CNTN4: variants seen among roughly 807,000 people sequenced by gnomAD.
CNTN4 encodes contactin 4, also known as contactin-4.
Under a neutral mutation model 122.5 loss-of-function variants are expected in CNTN4, and 77 were observed. The ratio of observed to expected loss-of-function variants is 0.63; its 90% confidence interval spans 0.52 to 0.76. CNTN4 has a LOEUF of 0.76. Among genes scored for constraint, CNTN4 ranks in the 30% least tolerant of loss-of-function variants. The probability of loss-of-function intolerance (pLI) is 0.00; values close to 1 mark genes in which losing one functional copy is unlikely to be tolerated. For missense variants in CNTN4, 1,256 were observed against 1,259.1 expected (o/e 1.00, Z 0.04); for synonymous variants, 512 against 447.0 (o/e 1.15, Z -1.83).
chr3:2,226,989 A>T (rs568784379), intron 2 of CNTN4, among the ~76,000 whole-genome samples: 1 of 152,168 alleles, frequency 6.6e-6, no homozygotes, highest in Non-Finnish European at 1.5e-5. Context: ...CTGATGTCAC[A>T]CAGATATGTA....
intron 8 of CNTN4, among the ~76,000 whole-genome samples, chr3:2,878,403 C>T (rs2093869487): frequency 6.6e-6 from 1 of 152,158 alleles, no homozygotes; most frequent in South Asian, 2.1e-4. Flanking sequence ...CACTGCATTC[C>T]TACATCTTTT....
At chr3:2,992,544 G>A (rs1180458652) in intron 14 of CNTN4, among the ~76,000 whole-genome samples, 2 of 152,116 alleles carry the variant, frequency 1.3e-5, no homozygotes, top group Non-Finnish European at 2.9e-5. Context: ...GGTGGTGGGT[G>A]GGGATTTTGC....
intron 2 of CNTN4, among the ~76,000 whole-genome samples, chr3:2,102,916 CCTTG>C (rs1345660814): frequency 1.3e-5 from 2 of 150,924 alleles, no homozygotes; most frequent in Middle Eastern, 3.2e-3. Context: ...TTCTCCTAAC[CCTTG>C]CTTTTTTTTT....
chr3:2,522,146 AGTTTGTGTGTGTGTGTGTGTGTGTGT>A (rs1426513962), intron 3 of CNTN4, among the ~76,000 whole-genome samples: 17 of 134,448 alleles, frequency 1.3e-4, no homozygotes, highest in Non-Finnish European at 2.2e-4. Context: ...CTGCCTAAGC[AGTTTGTGTGTGTGTGTGTGTGTGTGT>A]GTGTGTGTGT....
chr3:2,738,581 T>A (rs112486903), intron 5 of CNTN4, among the ~76,000 whole-genome samples: 1 of 152,082 alleles, frequency 6.6e-6, no homozygotes, highest in Non-Finnish European at 1.5e-5. Context: ...CACAAAAAAA[T>A]TTATTGCACA....
intron 3 of CNTN4, among the ~76,000 whole-genome samples, chr3:2,387,681 C>T (rs1575524866): frequency 6.6e-6 from 1 of 152,120 alleles, no homozygotes; most frequent in African/African-American, 2.4e-5. Context: ...TTTCTAAGCT[C>T]TTTTCCAAAA....
chr3:2,505,788 AG>A (rs2076715452), intron 3 of CNTN4, among the ~76,000 whole-genome samples: 1 of 152,222 alleles, frequency 6.6e-6, no homozygotes, highest in South Asian at 2.1e-4. Flanking sequence ...TTCCCTGAAA[AG>A]AGCTTTTAAA....
intron 7 of CNTN4, among the ~76,000 whole-genome samples, chr3:2,835,263 A>T (rs1171688949): frequency 1.3e-5 from 2 of 152,132 alleles, no homozygotes; most frequent in Admixed American, 1.3e-4. Flanking sequence ...TTCCATTTAC[A>T]TTATTTTAAA....
At chr3:2,141,992 C>T (rs1159906221) in intron 2 of CNTN4, among the ~76,000 whole-genome samples, 1 of 152,170 alleles carries the variant, frequency 6.6e-6, no homozygotes, top group Non-Finnish European at 1.5e-5. Flanking sequence ...CATTAGACCT[C>T]ACTACCATCA....
chr3:2,906,937 A>T (rs912819257), intron 12 of CNTN4, among the ~76,000 whole-genome samples: 3 of 152,140 alleles, frequency 2.0e-5, no homozygotes, highest in Admixed American at 2.0e-4. Context: ...CAAGCTTGCA[A>T]GTTCCCTATT....
chr3:2,476,312 G>A lies in CNTN4; in HGVS notation c.-88-95104G>A, dbSNP rs77881080. Among the ~76,000 whole-genome samples, 25 of 152,234 alleles carry A rather than the reference G, an allele frequency of 1.6e-4. No homozygotes were observed. The East Asian group carries it at 1.9e-3, about 12-fold the overall frequency. ...AGCCAATGTCAGTTAAGATTTTGGC[G>A]TTTCCACTGCAGGATCTTGAGTACA... On this transcript the variant is annotated intron_variant, in intron 3 of 24. Transcript: ENST00000418658.
intron 14 of CNTN4, among the ~76,000 whole-genome samples, chr3:2,996,161 A>G (rs1375978746): frequency 6.6e-6 from 1 of 152,158 alleles, no homozygotes; most frequent in Non-Finnish European, 1.5e-5. Flanking sequence ...TATTGGTAAT[A>G]TCTGTTTGGG....
At chr3:2,268,095 G>T (rs530018109) in intron 2 of CNTN4, among the ~76,000 whole-genome samples, 8 of 152,188 alleles carry the variant, frequency 5.3e-5, no homozygotes, top group African/African-American at 1.9e-4. Flanking sequence ...CATATGTTAA[G>T]CATTTACTAT....
intron 2 of CNTN4, among the ~76,000 whole-genome samples, chr3:2,152,562 G>A (rs77680818): frequency 1.3e-5 from 2 of 152,286 alleles, no homozygotes; most frequent in East Asian, 3.9e-4. Flanking sequence ...GAAGGCTTCA[G>A]AAGTGAAGTA....
rs1445527725 is a variant in CNTN4, at chr3:2,709,281, G to C, written c.56-26934G>C. Among the ~76,000 whole-genome samples, 1 of 152,122 alleles carries C rather than the reference G, an allele frequency of 6.6e-6. No homozygotes were observed. Among genetic ancestry groups the C allele is most frequent in the Non-Finnish European group, 1.5e-5 (1 of 68,020 alleles). On this transcript the variant is annotated intron_variant, in intron 4 of 24. Coordinates refer to ENST00000418658, the MANE Select transcript of CNTN4 (RefSeq NM_175607.3). This position sits in a 1 kb window ranked among gnomAD's most constrained non-coding sequence, Gnocchi z 5.0. ...TGTTTTTAAATCTTGAAAGAGACCT[G>C]AATTTATAATTAGTACAGTGTGATT...
intron 3 of CNTN4, among the ~76,000 whole-genome samples, chr3:2,434,140 G>A (rs932451697): frequency 6.6e-6 from 1 of 152,108 alleles, no homozygotes; most frequent in Non-Finnish European, 1.5e-5. Context: ...CAAAATTGCT[G>A]AGTAAATTTT....
At chr3:2,120,390 T>TAA (rs2033670597) in intron 2 of CNTN4, among the ~76,000 whole-genome samples, 20 of 28,766 alleles carry the variant, frequency 7.0e-4, no homozygotes, top group African/African-American at 1.8e-3. Flanking sequence ...TATATATATA[T>TAA]ATATATATAT....
At chr3:2,178,691 T>C (rs769561125) in intron 2 of CNTN4, among the ~76,000 whole-genome samples, 12 of 152,040 alleles carry the variant, frequency 7.9e-5, no homozygotes, top group Non-Finnish European at 1.2e-4. Context: ...CCATCACTCA[T>C]TGTGTGTGTG....
At chr3:2,732,556 C>A (rs2088774881) in intron 4 of CNTN4, among the ~76,000 whole-genome samples, 1 of 151,556 alleles carries the variant, frequency 6.6e-6, no homozygotes, top group African/African-American at 2.4e-5. Flanking sequence ...ACGGTAAATG[C>A]AGTCTTTTGT....
Sources: allele counts gnomAD v4.1 joint callset (sites outside exome capture counted in the v4.1 genomes callset), GRCh38; gene constraint gnomAD v4.1.1; non-coding constraint Gnocchi (gnomAD v3.1); transcripts MANE v1.5; gene names NCBI Gene and HGNC (gene_info 2026-07-23, HGNC 2026-07-21).